The following STX7 variants were observed in gnomAD, a reference collection of about 807,000 sequenced individuals.
STX7 encodes syntaxin 7, also known as syntaxin-7.
STX7 carries 34 observed loss-of-function variants against 39.6 expected under a neutral mutation model. The ratio of observed to expected loss-of-function variants is 0.86; its 90% confidence interval spans 0.65 to 1.14. The LOEUF (loss-of-function observed/expected upper bound fraction) is 1.14. STX7 is among the 50% of genes most tolerant of loss of function. The pLI is 0.00. For missense variants in STX7, 284 were observed against 310.4 expected (o/e 0.92, Z 0.64); for synonymous variants, 119 against 99.1 (o/e 1.20, Z -1.19).
rs1340701031 is a variant in STX7 at position 132,455,668 on chromosome 6, C to T, written c.*5090G>A. ...CAACCTCTTAAAAACTTGCCAGAAG[C>T]TACAGTGTCTACAAAAACCTATTTA... is the stretch of plus-strand genomic sequence containing the variant. On this transcript the variant is annotated 3_prime_UTR_variant, in exon 10 of 10. Coordinates refer to ENST00000367941, the MANE Select transcript of STX7 (RefSeq NM_003569.3). The T allele has an allele frequency of 6.6e-6, 1 of 152,118 alleles. No individual in the cohort carries two copies. Among genetic ancestry groups the T allele is most frequent in the Non-Finnish European group, 1.5e-5 (1 of 68,030 alleles). 9.4% of individuals were successfully genotyped at this position (152,118 alleles called of 1,614,324 possible).
rs998134048 is a variant in STX7 at position 132,456,646 on chromosome 6, C to T, written c.*4112G>A. The T allele has an allele frequency of 2.0e-5, 3 of 152,206 alleles. No individual in the cohort carries two copies. Among genetic ancestry groups the T allele is most frequent in the Non-Finnish European group, 4.4e-5 (3 of 68,036 alleles). 9.4% of individuals were successfully genotyped at this position (152,206 alleles called of 1,614,324 possible). On this transcript the variant is annotated 3_prime_UTR_variant, in exon 10 of 10. Transcript: ENST00000367941. ...TGGTTGGAAAAAAATGACTTGCTTA[C>T]CATCTAGAGCCAATGCTTCTAAATT...
At position 132,453,838 on chromosome 6, in the gene STX7, A is replaced by C. The variant is rs1774190111; in HGVS notation, c.*6920T>G. ...ACTCATACACCACTGGTGGGTATAT[A>C]AAATAGTACAGCTACTTGGTATAAG... On this transcript the variant is annotated 3_prime_UTR_variant, in exon 10 of 10. Transcript: ENST00000367941. The C allele has an allele frequency of 6.6e-6, 1 of 152,104 alleles. No individual in the cohort carries two copies. Among genetic ancestry groups the C allele is most frequent in the East Asian group, 1.9e-4 (1 of 5,196 alleles). 9.4% of individuals were successfully genotyped at this position (152,104 alleles called of 1,614,324 possible). A position where few individuals can be genotyped will look rare whatever the true frequency, so the allele number is the denominator to read the frequency against.
intron 1 of STX7, among the ~76,000 whole-genome samples, chr6:132,504,603 G>GGT (rs1775652270): frequency 6.6e-6 from 1 of 152,138 alleles, no homozygotes; most frequent in Non-Finnish European, 1.5e-5. Flanking sequence ...CTAAGAGCCT[G>GGT]GTACATGCCC....
rs1325517798 is a variant in STX7 at position 132,459,961 on chromosome 6, T to C, written c.*797A>G. The C allele has an allele frequency of 6.6e-5, 10 of 152,194 alleles. No homozygotes were observed. Among genetic ancestry groups the C allele is most frequent in the African/African-American group, 2.2e-4 (9 of 41,446 alleles). 9.4% of individuals were successfully genotyped at this position (152,194 alleles called of 1,614,324 possible). A position where few individuals can be genotyped will look rare whatever the true frequency, so the allele number is the denominator to read the frequency against. On this transcript the variant is annotated 3_prime_UTR_variant, in exon 10 of 10. Coordinates refer to ENST00000367941, the MANE Select transcript of STX7 (RefSeq NM_003569.3). ...GATATGGTTAAGATAACTAGTTTAG[T>C]GGAATAACAAACTGGGGTCTTAAGA...
In STX7 at chr6:132,482,127, G is replaced by A. The variant is rs138484037; in HGVS notation, c.86-6465C>T. Among the ~76,000 whole-genome samples, 279 of 152,234 alleles carry A rather than the reference G, an allele frequency of 1.8e-3. 3 individuals are homozygous for A. Among genetic ancestry groups the A allele is most frequent in the East Asian group, 6.8e-3 (35 of 5,184 alleles). ...GAATACTGGGAAGATCAAAACGTAC[G>A]TAAGAAATAATATATATTTCTAAAA... On this transcript the variant is annotated intron_variant, in intron 2 of 9. Coordinates refer to ENST00000367941, the MANE Select transcript of STX7 (RefSeq NM_003569.3).
At chr6:132,471,433 C>A in intron 5 of STX7, 30 bp downstream of exon 5, 1 of 1,597,284 alleles carries the variant, frequency 6.3e-7, no homozygotes, top group Non-Finnish European at 8.5e-7. Flanking sequence ...TAACCATGTT[C>A]ATTTCTAGAA....
intron 2 of STX7, among the ~76,000 whole-genome samples, chr6:132,484,007 C>T (rs958073733): frequency 3.9e-5 from 6 of 151,962 alleles, no homozygotes; most frequent in East Asian, 1.9e-4. Context: ...TGAAACAAGC[C>T]GCAGTCTTTC....
chr6:132,450,339 T>C lies in STX7; in HGVS notation c.*10419A>G, dbSNP rs1158131577. On this transcript the variant is annotated 3_prime_UTR_variant, in exon 10 of 10. Transcript: ENST00000367941. ...CATATAAATTATTCATTTTCTGTTT[T>C]GTGATATATTGGCATAAAGTTGTTT... The C allele has an allele frequency of 6.6e-6, 1 of 152,194 alleles. No homozygotes were observed. Among genetic ancestry groups the C allele is most frequent in the East Asian group, 1.9e-4 (1 of 5,200 alleles). 9.4% of individuals were successfully genotyped at this position (152,194 alleles called of 1,614,324 possible). A position where few individuals can be genotyped will look rare whatever the true frequency, so the allele number is the denominator to read the frequency against.
intron 2 of STX7, among the ~76,000 whole-genome samples, chr6:132,493,489 A>T (rs569514304): frequency 6.6e-6 from 1 of 152,058 alleles, no homozygotes; most frequent in Non-Finnish European, 1.5e-5. Flanking sequence ...GTCTCATGAG[A>T]TCTGATGGAT....
At chr6:132,511,433 C>T (rs1775845064) in intron 1 of STX7, among the ~76,000 whole-genome samples, 1 of 152,190 alleles carries the variant, frequency 6.6e-6, no homozygotes, top group South Asian at 2.1e-4. Flanking sequence ...CCACTGGTCA[C>T]TCTTTGTCAA....
intron 2 of STX7, among the ~76,000 whole-genome samples, chr6:132,502,355 ACT>A (rs1325744328): frequency 6.6e-6 from 1 of 152,190 alleles, no homozygotes; most frequent in Non-Finnish European, 1.5e-5. Flanking sequence ...ATATTAACAT[ACT>A]CCGAAGGATG....
intron 7 of STX7, 58 bp downstream of exon 7, chr6:132,469,893 T>C: frequency 4.9e-6 from 7 of 1,420,176 alleles, no homozygotes; most frequent in Non-Finnish European, 5.8e-6. Context: ...CCTAAGCATC[T>C]TGAGAACAAA....
At chr6:132,479,018 C>T (rs191211813) in intron 2 of STX7, among the ~76,000 whole-genome samples, 205 of 152,308 alleles carry the variant, frequency 1.3e-3, no homozygotes, top group Non-Finnish European at 6.3e-4. Context: ...AACATGTACT[C>T]TTAGATGCCT....
intron 2 of STX7, among the ~76,000 whole-genome samples, chr6:132,493,475 A>G (rs1259269115): frequency 1.3e-5 from 2 of 152,100 alleles, no homozygotes; most frequent in African/African-American, 2.4e-5. Context: ...ATGATAGTGA[A>G]TAAGTCTCAT....
chr6:132,491,060 C>T (rs1464097385), intron 2 of STX7, among the ~76,000 whole-genome samples: 1 of 149,688 alleles, frequency 6.7e-6, no homozygotes, highest in African/African-American at 2.5e-5. Flanking sequence ...GAAATGGGCA[C>T]TTCCCTCTCC....
At chr6:132,467,366 A>T (rs188397514) in intron 8 of STX7, among the ~76,000 whole-genome samples, 19 of 152,108 alleles carry the variant, frequency 1.2e-4, no homozygotes, top group Non-Finnish European at 2.2e-4. Context: ...GTAAGTACCT[A>T]TCATACCTAA....
Position 132,460,289 on chromosome 6 carries a change from T to C in STX7, c.*469A>G, listed in dbSNP as rs1468968200. 4 of 152,404 alleles carry C rather than the reference T, an allele frequency of 2.6e-5. No homozygotes were observed. Among genetic ancestry groups the C allele is most frequent in the Non-Finnish European group, 5.9e-5 (4 of 68,218 alleles). 9.4% of individuals were successfully genotyped at this position (152,404 alleles called of 1,614,324 possible). ...TTGTGAACCAGAAAAATACAACCCATGTATAGACCTTAATTATTTTACATT... is the reference window on the plus strand; with the variant it reads ...TTGTGAACCAGAAAAATACAACCCACGTATAGACCTTAATTATTTTACATT... On this transcript the variant is annotated 3_prime_UTR_variant, in exon 10 of 10. Transcript: ENST00000367941.
chr6:132,500,116 C>G (rs1268985563), intron 2 of STX7, among the ~76,000 whole-genome samples: 2 of 152,210 alleles, frequency 1.3e-5, no homozygotes, highest in Non-Finnish European at 2.9e-5. Flanking sequence ...CTCCCCAGAC[C>G]TCTGTGATGA....
chr6:132,503,422 A>T (rs1775625613), intron 2 of STX7, 24 bp downstream of exon 2: 2 of 1,589,822 alleles, frequency 1.3e-6, no homozygotes, highest in East Asian at 4.5e-5. Flanking sequence ...ACAAATAGTG[A>T]AGTCCATTTA....
Sources: gnomAD v4.1 joint callset for allele counts (sites outside exome capture counted in the v4.1 genomes callset) on GRCh38, gnomAD v4.1.1 for gene constraint, MANE v1.5 for transcripts, NCBI Gene and HGNC (gene_info 2026-07-23, HGNC 2026-07-21) for gene names.